TOX: variants seen among roughly 807,000 people sequenced by gnomAD.
The protein encoded by TOX is thymocyte selection-associated high mobility group box protein TOX.
In TOX, 11 loss-of-function variants were observed where a neutral mutation model predicts 53.7. That is an observed-to-expected ratio of 0.20 (90% confidence interval 0.13 to 0.34). The LOEUF is 0.34. Ranked by LOEUF, TOX falls within the 10% of genes least tolerant of loss-of-function variation. TOX has a pLI of 1.00. For synonymous variants in TOX, 225 were observed against 245.3 expected (o/e 0.92, Z 0.77); for missense variants, 570 against 664.6 (o/e 0.86, Z 1.56).
chr8:58,830,236 G>A (rs1283811571), intron 5 of TOX, among the ~76,000 whole-genome samples: 1 of 152,074 alleles, frequency 6.6e-6, no homozygotes, highest in East Asian at 1.9e-4. Flanking sequence ...ATCTAAACAC[G>A]TTTGAGTTCA....
intron 3 of TOX, among the ~76,000 whole-genome samples, chr8:58,866,441 T>A (rs1811103059): frequency 6.6e-6 from 1 of 152,238 alleles, no homozygotes; most frequent in Admixed American, 6.5e-5. Flanking sequence ...CATTATTTAT[T>A]ACAAAACCTT....
At chr8:58,824,181 C>A (rs1006184233) in intron 6 of TOX, among the ~76,000 whole-genome samples, 12 of 152,148 alleles carry the variant, frequency 7.9e-5, no homozygotes, top group Non-Finnish European at 1.5e-5. Flanking sequence ...CAATGTCAGC[C>A]TTGGCCAGTG....
At chr8:58,998,521 A>AAACT (rs1563413390) in intron 1 of TOX, among the ~76,000 whole-genome samples, 3 of 109,792 alleles carry the variant, frequency 2.7e-5, no homozygotes, top group South Asian at 5.9e-4. Context: ...ATATATATAT[A>AAACT]TATATATATA....
intron 1 of TOX, among the ~76,000 whole-genome samples, chr8:59,069,377 G>C (rs1450792395): frequency 1.3e-5 from 2 of 152,178 alleles, no homozygotes; most frequent in Non-Finnish European, 2.9e-5. Context: ...ACAGGCTTGG[G>C]AGGAGAGGTG....
intron 1 of TOX, among the ~76,000 whole-genome samples, chr8:59,021,499 T>TATATATATATACACAC (rs1554539851): frequency 9.1e-6 from 1 of 109,632 alleles, no homozygotes; most frequent in Non-Finnish European, 2.0e-5. Flanking sequence ...TATATATATA[T>TATATATATATACACAC]GCACATATAT....
intron 4 of TOX, among the ~76,000 whole-genome samples, chr8:58,842,172 G>A (rs1455816321): frequency 6.6e-6 from 1 of 152,194 alleles, no homozygotes; most frequent in East Asian, 1.9e-4. Flanking sequence ...GTGTCTGTGA[G>A]GGTGGTTTCC....
chr8:58,815,513 A>T lies in TOX; in HGVS notation c.1217T>A (p.Val406Glu). 6.2e-7 allele frequency: 1 copy of T among 1,614,060 alleles called. No homozygotes were observed. Among genetic ancestry groups the T allele is most frequent in the Non-Finnish European group, 8.5e-7 (1 of 1,179,980 alleles). The change falls in exon 7 of 9, where the codon GTG (valine) becomes GAG (glutamate). Residue 406 changes from valine (V) to glutamate (E), a missense_variant. By Grantham distance (121) the Val-to-Glu change is moderately radical. Around this residue, in one of 3 missense-constraint regions of TOX, gnomAD observed 239 missense variants for 250.7 expected, o/e 0.95. Coordinates refer to ENST00000361421, the MANE Select transcript of TOX (RefSeq NM_014729.3). ...AGCCATGTTTGCTATAGAGACAGTC[A>T]CTGGCATTTGGTTATTCGGCTTGGG... Reference protein sequence around the residue: ...IAPKPNNQMPVTVSIANMAVS... With the variant: ...IAPKPNNQMPETVSIANMAVS...
intron 1 of TOX, among the ~76,000 whole-genome samples, chr8:59,114,164 A>G (rs2129425142): frequency 6.6e-6 from 1 of 152,342 alleles, no homozygotes; most frequent in Middle Eastern, 3.4e-3. Flanking sequence ...AATCCACAAT[A>G]ATCATTCAAT....
At chr8:59,098,558 C>T (rs1804752430) in intron 1 of TOX, among the ~76,000 whole-genome samples, 1 of 152,092 alleles carries the variant, frequency 6.6e-6, no homozygotes, top group African/African-American at 2.4e-5. Context: ...CCTGCACACT[C>T]TCCACTTAAA....
intron 1 of TOX, among the ~76,000 whole-genome samples, chr8:59,098,197 C>A (rs1320177423): frequency 6.6e-6 from 1 of 152,134 alleles, no homozygotes. Flanking sequence ...AGAGTGAACG[C>A]CAGAACAGTA....
intron 3 of TOX, among the ~76,000 whole-genome samples, chr8:58,888,281 G>C (rs1811505051): frequency 6.6e-6 from 1 of 151,766 alleles, no homozygotes; most frequent in Non-Finnish European, 1.5e-5. Flanking sequence ...ACATACAATA[G>C]AATACCCCAT....
intron 1 of TOX, among the ~76,000 whole-genome samples, chr8:59,025,796 A>C (rs1299240645): frequency 1.3e-5 from 2 of 152,086 alleles, no homozygotes; most frequent in African/African-American, 2.4e-5. Context: ...TTGTCACTGC[A>C]CTTCTCATAC....
At chr8:59,065,085 T>C (rs1804063258) in intron 1 of TOX, among the ~76,000 whole-genome samples, 1 of 152,208 alleles carries the variant, frequency 6.6e-6, no homozygotes, top group Non-Finnish European at 1.5e-5. Context: ...CACGCCAGCA[T>C]ATTAGTGAGG....
intron 1 of TOX, among the ~76,000 whole-genome samples, chr8:58,982,920 G>A (rs1056396482): frequency 2.6e-5 from 4 of 152,124 alleles, no homozygotes; most frequent in Admixed American, 1.3e-4. Context: ...TGCTCTGCAT[G>A]CCCTGTGACA....
At chr8:59,115,924 A>C (rs1158935194) in intron 1 of TOX, among the ~76,000 whole-genome samples, 1 of 152,180 alleles carries the variant, frequency 6.6e-6, no homozygotes. Flanking sequence ...TGCCTCCTCC[A>C]GAGTTTATTA....
chr8:59,008,786 T>C (rs1813841455), intron 1 of TOX, among the ~76,000 whole-genome samples: 1 of 152,216 alleles, frequency 6.6e-6, no homozygotes, highest in Non-Finnish European at 1.5e-5. Flanking sequence ...CAAATCTTCC[T>C]GTCAGGCTAT....
chr8:59,040,871 C>T lies in TOX; in HGVS notation c.102+78015G>A, dbSNP rs376517061. Reference sequence around the variant, plus strand: ...CCTCACTGGTCCTTTCTTCCTGGCTCCTGGCTCCTTGGCTGAAAACAAAAC... The same window carrying T: ...CCTCACTGGTCCTTTCTTCCTGGCTTCTGGCTCCTTGGCTGAAAACAAAAC... On this transcript the variant is annotated intron_variant, in intron 1 of 8. Transcript: ENST00000361421. Among the ~76,000 whole-genome samples the T allele has an allele frequency of 7.9e-4, 120 of 152,310 alleles. 1 individual carries two copies. The highest frequency in any genetic ancestry group is 1.3e-3 in the Non-Finnish European group (89 of 68,022).
At chr8:58,814,612 T>C (rs1315935284) in intron 7 of TOX, 1 of 152,192 alleles carries the variant, frequency 6.6e-6, no homozygotes, top group Admixed American at 6.5e-5. Context: ...ATGCCTTCTG[T>C]TCAGTTTAGT....
chr8:59,110,733 C>T (rs1349760989), intron 1 of TOX, among the ~76,000 whole-genome samples: 1 of 151,582 alleles, frequency 6.6e-6, no homozygotes, highest in East Asian at 1.9e-4. Context: ...AAAAAGAGGC[C>T]CCCCGGGGGG....
Sources: allele counts gnomAD v4.1 joint callset (sites outside exome capture counted in the v4.1 genomes callset), GRCh38; gene constraint gnomAD v4.1.1; regional missense constraint gnomAD v4.1.1; transcripts MANE v1.5; gene names NCBI Gene and HGNC (gene_info 2026-07-23, HGNC 2026-07-21).